The following ARFGEF3 variants were observed in gnomAD, a reference collection of about 807,000 sequenced individuals.
The protein encoded by ARFGEF3 is ARFGEF family member 3.
A neutral mutation model predicts 221.7 loss-of-function variants in ARFGEF3; 96 were observed. The observed-to-expected ratio is 0.43, with a 90% CI of 0.37 to 0.51. ARFGEF3 has a LOEUF of 0.51. ARFGEF3 is among the 20% of genes least tolerant of loss of function. The pLI, the probability that ARFGEF3 is intolerant of heterozygous loss-of-function variation, is 0.00. For missense variants in ARFGEF3, 2,410 were observed against 2,789.9 expected (o/e 0.86, Z 3.07); for synonymous variants, 1,145 against 1,126.8 (o/e 1.02, Z -0.32).
Position 138,255,718 on chromosome 6 carries a change from G to A in ARFGEF3, c.1053G>A (p.Leu351=). Residue 351 remains leucine (L), a synonymous_variant, in exon 10 of 34, where the codon CTG becomes CTA. Coordinates refer to ENST00000251691, the MANE Select transcript of ARFGEF3 (RefSeq NM_020340.5). ...PVLQSLYHRV[L]LYPPPQHRVE... Reference sequence around the variant, plus strand: ...TCCAGTCCCTCTACCACCGAGTGCTGCTCTACCCCCCACCCCAGCACCGGG... The same window carrying A: ...TCCAGTCCCTCTACCACCGAGTGCTACTCTACCCCCCACCCCAGCACCGGG... 1.2e-6 allele frequency: 2 copies of A among 1,607,514 alleles called. No individual in the cohort carries two copies. The highest frequency in any genetic ancestry group is 1.3e-5 in the African/African-American group (1 of 74,906).
chr6:138,307,938 A>G (rs1385008361), intron 23 of ARFGEF3, among the ~76,000 whole-genome samples: 1 of 152,206 alleles, frequency 6.6e-6, no homozygotes, highest in African/African-American at 2.4e-5. Context: ...CAACGTAGGA[A>G]GGACACAACA....
chr6:138,334,947 A>AGGTTGT lies in ARFGEF3; in HGVS notation c.6102_6103insGTTGTG (p.Gln2034_Gln2035insValVal), dbSNP rs1488240408. 2 of 1,588,856 alleles carry AGGTTGT rather than the reference A, an allele frequency of 1.3e-6. No individual in the cohort carries two copies. Among genetic ancestry groups the AGGTTGT allele is most frequent in the Admixed American group, 1.8e-5 (1 of 55,480 alleles). ...ATGACCGAATACAAAAAGAGGAAAC[A>AGGTTGT]GCAGCACAACCTGTCCGCGTTCCCC... On this transcript the variant is annotated inframe_insertion, in exon 33 of 34. Coordinates refer to ENST00000251691, the MANE Select transcript of ARFGEF3 (RefSeq NM_020340.5). The surrounding 1 kb of genome is among the most constrained non-coding windows in gnomAD (Gnocchi z 5.1).
At chr6:138,276,340 C>G (rs550273989) in intron 12 of ARFGEF3, among the ~76,000 whole-genome samples, 3 of 152,322 alleles carry the variant, frequency 2.0e-5, no homozygotes, top group Admixed American at 6.5e-5. Context: ...AATGTTTTCA[C>G]CCCAAGCTCC....
intron 22 of ARFGEF3, among the ~76,000 whole-genome samples, chr6:138,301,430 T>A (rs1779627088): frequency 6.6e-6 from 1 of 152,182 alleles, no homozygotes; most frequent in South Asian, 2.1e-4. Context: ...GAGACAATCA[T>A]CAGCTTTTCT....
At chr6:138,307,461 TAAA>T (rs34359396) in intron 23 of ARFGEF3, 64 bp downstream of exon 23, 240,064 of 1,246,162 alleles carry the variant, frequency 0.19, 24,147 homozygotes, top group East Asian at 0.53. Flanking sequence ...TTCATGCTAT[TAAA>T]AAAAAAAAAT....
intron 2 of ARFGEF3, among the ~76,000 whole-genome samples, chr6:138,193,298 A>G (rs757801383): frequency 2.0e-5 from 3 of 152,208 alleles, no homozygotes; most frequent in Non-Finnish European, 4.4e-5. Flanking sequence ...TCACCTTTTT[A>G]TGAAGACACT....
At chr6:138,222,052 C>CAGT (rs1777992378) in intron 4 of ARFGEF3, among the ~76,000 whole-genome samples, 1 of 152,170 alleles carries the variant, frequency 6.6e-6, no homozygotes, top group Non-Finnish European at 1.5e-5. Flanking sequence ...CTCTAATCCA[C>CAGT]AGTCTCTGAA....
chr6:138,303,277 C>CA (rs562075034), intron 22 of ARFGEF3, among the ~76,000 whole-genome samples: 4,396 of 150,130 alleles, frequency 0.029, 76 homozygotes, highest in South Asian at 0.044. Context: ...AAAGTGATCA[C>CA]AAAAAAAATG....
intron 8 of ARFGEF3, among the ~76,000 whole-genome samples, chr6:138,250,596 T>A (rs1778562014): frequency 6.6e-6 from 1 of 152,274 alleles, no homozygotes; most frequent in East Asian, 1.9e-4. Context: ...GTCAAAATGG[T>A]TCAAAACAAA....
At chr6:138,273,451 G>A (rs552385619) in intron 12 of ARFGEF3, among the ~76,000 whole-genome samples, 1 of 152,178 alleles carries the variant, frequency 6.6e-6, no homozygotes, top group East Asian at 1.9e-4. Context: ...CTGAACACTG[G>A]GCAATGCAAA....
Position 138,261,654 on chromosome 6 carries a change from C to T in ARFGEF3, c.1217+15C>T, listed in dbSNP as rs199706726. Reference sequence around the variant, plus strand: ...CTCCTCAAACTGTATGATGTTTATCCTTTTAAGTCTTTATTGAGGCTGCTT... The same window carrying T: ...CTCCTCAAACTGTATGATGTTTATCTTTTTAAGTCTTTATTGAGGCTGCTT... On this transcript the variant is annotated intron_variant, in intron 11 of 33. Transcript: ENST00000251691. The T allele has an allele frequency of 7.0e-7, 1 of 1,436,792 alleles. No homozygotes were observed. Among genetic ancestry groups the T allele is most frequent in the East Asian group, 2.5e-5 (1 of 40,412 alleles). 89.0% of individuals were successfully genotyped at this position (1,436,792 alleles called of 1,614,324 possible).
chr6:138,304,912 T>G (rs948455030), intron 22 of ARFGEF3, among the ~76,000 whole-genome samples: 20 of 152,208 alleles, frequency 1.3e-4, no homozygotes, highest in Non-Finnish European at 2.2e-4. Flanking sequence ...CAATGTGGAT[T>G]GGTTAGACCA....
Position 138,209,896 on chromosome 6 carries a change from G to T in ARFGEF3, c.220-14G>T. 6.2e-7 allele frequency: 1 copy of T among 1,613,090 alleles called. No homozygotes were observed. Among genetic ancestry groups the T allele is most frequent in the South Asian group, 1.1e-5 (1 of 90,844 alleles). ...AGAGCCTATCTGTGATCACTGCCTT[G>T]TGCCTCTTTACAGAAGCTTCTGTCG... On this transcript the variant is annotated splice_polypyrimidine_tract_variant and intron_variant, in intron 3 of 33. Transcript: ENST00000251691.
chr6:138,303,367 A>T (rs907538221), intron 22 of ARFGEF3, among the ~76,000 whole-genome samples: 5 of 152,270 alleles, frequency 3.3e-5, no homozygotes, highest in Admixed American at 1.3e-4. Flanking sequence ...GAAAACATAT[A>T]GCAAATGCCA....
intron 12 of ARFGEF3, among the ~76,000 whole-genome samples, chr6:138,277,879 G>A (rs978937738): frequency 2.0e-4 from 30 of 152,300 alleles, no homozygotes; most frequent in African/African-American, 6.5e-4. Context: ...TTTAATAATG[G>A]AATTAAAAGG....
intron 4 of ARFGEF3, among the ~76,000 whole-genome samples, chr6:138,212,979 G>T (rs922104783): frequency 5.9e-5 from 9 of 151,924 alleles, no homozygotes; most frequent in African/African-American, 2.2e-4. Context: ...ACCTTCAATT[G>T]TGTACGTGTA....
Position 138,344,166 on chromosome 6 carries a change from T to C in ARFGEF3, c.*7680T>C, listed in dbSNP as rs1321011909. 4 of 152,200 alleles carry C rather than the reference T, an allele frequency of 2.6e-5. No homozygotes were observed. The highest frequency in any genetic ancestry group is 4.4e-5 in the Non-Finnish European group (3 of 68,032). 9.4% of individuals were successfully genotyped at this position (152,200 alleles called of 1,614,324 possible). A position where few individuals can be genotyped will look rare whatever the true frequency, so the allele number is the denominator to read the frequency against. On this transcript the variant is annotated 3_prime_UTR_variant, in exon 34 of 34. Transcript: ENST00000251691. ...ATGGGTCCTTTTATTCCTTATAGTA[T>C]TATGCCAAAGAATCAACTTATTTTC...
intron 4 of ARFGEF3, among the ~76,000 whole-genome samples, chr6:138,220,356 T>C (rs915001630): frequency 6.6e-6 from 1 of 152,232 alleles, no homozygotes; most frequent in Non-Finnish European, 1.5e-5. Flanking sequence ...GTTCTCTCTA[T>C]ATATCTATAT....
chr6:138,322,888 A>T (rs1321881778), intron 29 of ARFGEF3, among the ~76,000 whole-genome samples: 1 of 151,888 alleles, frequency 6.6e-6, no homozygotes, highest in Non-Finnish European at 1.5e-5. Flanking sequence ...AGCCAGGCAC[A>T]TGGGAGGGCG....
Sources: gnomAD v4.1 joint callset for allele counts (sites outside exome capture counted in the v4.1 genomes callset) on GRCh38, gnomAD v4.1.1 for gene constraint, Gnocchi (gnomAD v3.1) non-coding constraint, MANE v1.5 for transcripts, NCBI Gene and HGNC (gene_info 2026-07-23, HGNC 2026-07-21) for gene names.